ZBTB8A: variants seen among roughly 807,000 people sequenced by gnomAD.
ZBTB8A encodes the protein zinc finger and BTB domain containing 8A.
ZBTB8A carries 19 observed loss-of-function variants against 37.8 expected under a neutral mutation model. The ratio of observed to expected loss-of-function variants is 0.50; its 90% CI spans 0.35 to 0.74. ZBTB8A has a LOEUF of 0.74. Ranked by LOEUF, ZBTB8A falls within the 30% of genes least tolerant of loss-of-function variation. ZBTB8A has a pLI of 0.01. For missense variants in ZBTB8A, 394 were observed against 537.8 expected, an observed-to-expected ratio of 0.73 and a Z score of 2.65; for synonymous variants, 181 against 185.2, an observed-to-expected ratio of 0.98 and a Z score of 0.19.
Position 32,593,147 on chromosome 1 carries a change from C to G in ZBTB8A, c.216C>G (p.Ser72=), listed in dbSNP as rs530092426. 1.5e-5 allele frequency: 24 copies of G among 1,614,176 alleles called. No homozygotes were observed. The East Asian group carries it at 3.8e-4, about 25-fold the overall frequency. The stretch of plus-strand genomic sequence containing the variant: ...CCACAGCTACATTTCAGGCTTTCTC[C>G]CCTGACACTTTTACAGTTATCTTGG... ...QPTTATFQAF[S]PDTFTVILDF... is the part of the protein sequence containing the mutation. The change falls in exon 3 of 5, where the codon TCC becomes TCG. Residue 72 remains serine (S), a synonymous_variant. Coordinates refer to ENST00000373510, the MANE Select transcript of ZBTB8A (RefSeq NM_001040441.3).
chr1:32,585,561 T>G (rs1451474400), intron 2 of ZBTB8A, among the ~76,000 whole-genome samples: 1 of 152,094 alleles, frequency 6.6e-6, no homozygotes, highest in Admixed American at 6.6e-5. Flanking sequence ...ATAAATGAAG[T>G]ATACCATGTT....
chr1:32,542,303 C>A (rs1383789451), intron 1 of ZBTB8A, among the ~76,000 whole-genome samples: 1 of 150,114 alleles, frequency 6.7e-6, no homozygotes, highest in Non-Finnish European at 1.5e-5. Flanking sequence ...ACCTATAATT[C>A]CAACACTTTG....
At chr1:32,540,145 C>G (rs1644041110) in intron 1 of ZBTB8A, among the ~76,000 whole-genome samples, 1 of 152,154 alleles carries the variant, frequency 6.6e-6, no homozygotes, top group Non-Finnish European at 1.5e-5. Flanking sequence ...CGCGCCTAAC[C>G]AATGTTGAGC....
chr1:32,566,655 A>G (rs1644281741), intron 2 of ZBTB8A, among the ~76,000 whole-genome samples: 1 of 152,228 alleles, frequency 6.6e-6, no homozygotes, highest in African/African-American at 2.4e-5. Flanking sequence ...AGTTTCTATG[A>G]CAATAGCTAT....
chr1:32,547,027 G>C (rs955899901), intron 1 of ZBTB8A, among the ~76,000 whole-genome samples: 1 of 151,698 alleles, frequency 6.6e-6, no homozygotes, highest in African/African-American at 2.4e-5. Context: ...TCAGCCTACT[G>C]AGTAGCTGGG....
At chr1:32,595,031 T>G (rs539908262) in intron 3 of ZBTB8A, 23 bp from the exon 4 acceptor site, 2 of 1,599,522 alleles carry the variant, frequency 1.3e-6, no homozygotes, top group Admixed American at 1.7e-5. Flanking sequence ...TTCCAGTGAT[T>G]TAATCAAAGC....
rs759878481 is a variant in ZBTB8A, at chr1:32,600,161, G to A, written c.1068G>A (p.Gln356=). 1 of 1,614,228 alleles carries A rather than the reference G, an allele frequency of 6.2e-7. No homozygotes were observed. Among genetic ancestry groups the A allele is most frequent in the Non-Finnish European group, 8.5e-7 (1 of 1,180,040 alleles). Residue 356 remains glutamine (Q), a synonymous_variant, in exon 5 of 5, where the codon CAG becomes CAA. Transcript: ENST00000373510. ...HVTDLTGQVV[Q]EGTRRYRLCN... ...CAGATCTAACAGGGCAAGTGGTACA[G>A]GAGGGAACCAGGCGCTACAGACTGT...
rs543405383 is a variant in ZBTB8A, at chr1:32,571,054, T to C, written c.-2+17514T>C. ...CCACGCCCGGCTTATTTGTGTAATT[T>C]TAGCAGAGATGGGGCTTCACCATGT... On this transcript the variant is annotated intron_variant, in intron 2 of 4. Transcript: ENST00000373510. Among the ~76,000 whole-genome samples, 4 of 152,282 alleles carry C rather than the reference T, an allele frequency of 2.6e-5. No individual in the cohort carries two copies. In the South Asian group the frequency reaches 8.3e-4, roughly 32 times the overall value.
At chr1:32,544,774 T>C (rs866686243) in intron 1 of ZBTB8A, among the ~76,000 whole-genome samples, 2 of 152,322 alleles carry the variant, frequency 1.3e-5, no homozygotes, top group Middle Eastern at 3.4e-3. Flanking sequence ...GGGACCACCG[T>C]CGTATATGTA....
At chr1:32,580,444 G>A (rs922357447) in intron 2 of ZBTB8A, among the ~76,000 whole-genome samples, 2 of 151,862 alleles carry the variant, frequency 1.3e-5, no homozygotes, top group African/African-American at 2.4e-5. Context: ...CAGCTATTAG[G>A]GAAGCTTGAG....
chr1:32,580,190 C>T (rs1644392498), intron 2 of ZBTB8A, among the ~76,000 whole-genome samples: 1 of 151,692 alleles, frequency 6.6e-6, no homozygotes, highest in Non-Finnish European at 1.5e-5. Context: ...AAGATCGCAC[C>T]ACTGCATTCT....
At chr1:32,557,551 C>T (rs1644212499) in intron 2 of ZBTB8A, among the ~76,000 whole-genome samples, 1 of 152,158 alleles carries the variant, frequency 6.6e-6, no homozygotes, top group South Asian at 2.1e-4. Flanking sequence ...CAGCCTCCAA[C>T]TCCTGGGCTC....
chr1:32,579,763 G>C (rs1234123844), intron 2 of ZBTB8A, among the ~76,000 whole-genome samples: 1 of 152,068 alleles, frequency 6.6e-6, no homozygotes, highest in Non-Finnish European at 1.5e-5. Flanking sequence ...TGATTTCATT[G>C]TCTGAAAACA....
chr1:32,562,152 C>T (rs533158006), intron 2 of ZBTB8A, among the ~76,000 whole-genome samples: 2 of 147,540 alleles, frequency 1.4e-5, no homozygotes, highest in African/African-American at 2.5e-5. Flanking sequence ...AACGGGGTCT[C>T]ACTATGTTGC....
chr1:32,565,067 T>G (rs1248197481), intron 2 of ZBTB8A, among the ~76,000 whole-genome samples: 1 of 152,226 alleles, frequency 6.6e-6, no homozygotes, highest in Non-Finnish European at 1.5e-5. Context: ...CAGTGGCTCA[T>G]GCCTGTAATC....
intron 1 of ZBTB8A, among the ~76,000 whole-genome samples, chr1:32,542,528 T>A (rs766474838): frequency 6.6e-6 from 1 of 152,112 alleles, no homozygotes; most frequent in Non-Finnish European, 1.5e-5. Flanking sequence ...AAACCGAGAT[T>A]GCGCCACTGC....
chr1:32,541,387 T>C (rs1644053336), intron 1 of ZBTB8A, among the ~76,000 whole-genome samples: 1 of 152,156 alleles, frequency 6.6e-6, no homozygotes, highest in African/African-American at 2.4e-5. Context: ...TGCCGTTCCC[T>C]TTGCCTGAAA....
intron 2 of ZBTB8A, among the ~76,000 whole-genome samples, chr1:32,568,780 A>G (rs1644303818): frequency 6.6e-6 from 1 of 152,222 alleles, no homozygotes; most frequent in Non-Finnish European, 1.5e-5. Flanking sequence ...TTTGAGAGTC[A>G]TTCACATCAC....
intron 2 of ZBTB8A, among the ~76,000 whole-genome samples, chr1:32,559,004 A>T (rs1644223940): frequency 6.6e-6 from 1 of 152,224 alleles, no homozygotes; most frequent in Admixed American, 6.5e-5. Context: ...TGTAAACCAC[A>T]GCAGAGCCGG....
Sources: allele counts gnomAD v4.1 joint callset (sites outside exome capture counted in the v4.1 genomes callset), GRCh38; gene constraint gnomAD v4.1.1; transcripts MANE v1.5; gene names NCBI Gene and HGNC (gene_info 2026-07-23, HGNC 2026-07-21).